LYST: variants seen among roughly 807,000 people sequenced by gnomAD.
LYST encodes lysosomal-trafficking regulator.
LYST carries 192 observed loss-of-function variants against 413.6 expected under a neutral mutation model. The observed-to-expected ratio is 0.46, with a 90% CI of 0.41 to 0.52. The LOEUF (loss-of-function observed/expected upper bound fraction) is 0.52, where lower values mean the gene tolerates loss of function less well. LYST is among the 20% of genes least tolerant of loss of function. The pLI, the probability that LYST is intolerant of heterozygous loss-of-function variation, is 0.00. For missense variants in LYST, 3,815 were observed against 4,499.9 expected, an observed-to-expected ratio of 0.85 and a Z score of 4.35; for synonymous variants, 1,525 against 1,567.3, an observed-to-expected ratio of 0.97 and a Z score of 0.64.
chr1:235,686,864 A>G lies in LYST; in HGVS notation c.10800+85T>C. 1.0e-6 allele frequency: 1 copy of G among 988,578 alleles called. No homozygotes were observed. Among genetic ancestry groups the G allele is most frequent in the Non-Finnish European group, 1.6e-6 (1 of 609,494 alleles). 61.2% of individuals were successfully genotyped at this position (988,578 alleles called of 1,614,324 possible). On this transcript the variant is annotated intron_variant, in intron 48 of 52. Transcript: ENST00000389793. This position sits in a 1 kb window ranked among gnomAD's most constrained non-coding sequence, Gnocchi z 4.0. ...GGTATAAACATTTTAAGTTAATCTT[A>G]TGCAAAGTGAATTATACTTCATAAA...
In LYST at chr1:235,798,515, T is replaced by G. The variant is rs113059697; in HGVS notation, c.4006+1805A>C. On this transcript the variant is annotated intron_variant, in intron 10 of 52. Transcript: ENST00000389793. Reference sequence around the variant, plus strand: ...AATTGCTTAACCTGGGAGGTGGAGGTTGCAGTGAGCTGAGATCGCACCACT... The same window carrying G: ...AATTGCTTAACCTGGGAGGTGGAGGGTGCAGTGAGCTGAGATCGCACCACT... Among the ~76,000 whole-genome samples, 1,067 of 130,952 alleles carry G rather than the reference T, an allele frequency of 8.1e-3. 14 individuals are homozygous for G. Among genetic ancestry groups the G allele is most frequent in the African/African-American group, 0.03 (1,015 of 34,404 alleles). 85.9% of individuals were successfully genotyped at this position (130,952 alleles called of 152,430 possible). A position where few individuals can be genotyped will look rare whatever the true frequency, so the allele number is the denominator to read the frequency against.
At chr1:235,856,156 T>C (rs1394814973) in intron 1 of LYST, among the ~76,000 whole-genome samples, 3 of 152,210 alleles carry the variant, frequency 2.0e-5, no homozygotes, top group African/African-American at 4.8e-5. Flanking sequence ...TTTCTATCAC[T>C]GTGGTCTAAA....
rs550339130 is a variant in LYST, at chr1:235,667,939, G to C, written c.11039-3318C>G. Among the ~76,000 whole-genome samples the C allele has an allele frequency of 2.7e-3, 405 of 152,118 alleles. 2 individuals are homozygous for C. Among genetic ancestry groups the C allele is most frequent in the Non-Finnish European group, 4.8e-3 (327 of 68,000 alleles). On this transcript the variant is annotated intron_variant, in intron 50 of 52. Coordinates refer to ENST00000389793, the MANE Select transcript of LYST (RefSeq NM_000081.4). Reference sequence around the variant, plus strand: ...GGCCTCCCAAAGTGCAGGGATTACAGGCATAGCCACCGTGCCTGGCCTCCT... The same window carrying C: ...GGCCTCCCAAAGTGCAGGGATTACACGCATAGCCACCGTGCCTGGCCTCCT...
In LYST at chr1:235,662,968, G is replaced by T; in HGVS notation, c.11378C>A (p.Ser3793Tyr). Residue 3793 changes from serine (S) to tyrosine (Y), a missense_variant, in exon 53 of 53, where the codon TCC becomes TAC. Coordinates refer to ENST00000389793, the MANE Select transcript of LYST (RefSeq NM_000081.4). ...QQRLKQPMFYSFLSSYAAG is the reference protein window; with the variant it reads ...QQRLKQPMFYYFLSSYAAG Reference sequence around the variant, plus strand: ...CCCGGCTGCATAGCTGCTAAGGAAGGAATAGAACATTGGCTGTTTCAAGCG... The same window carrying T: ...CCCGGCTGCATAGCTGCTAAGGAAGTAATAGAACATTGGCTGTTTCAAGCG... The T allele has an allele frequency of 1.2e-6, 2 of 1,606,214 alleles. No homozygotes were observed. Among genetic ancestry groups the T allele is most frequent in the Non-Finnish European group, 1.7e-6 (2 of 1,172,870 alleles).
At chr1:235,781,872 A>T in intron 15 of LYST, 55 bp downstream of exon 15, 1 of 1,231,316 alleles carries the variant, frequency 8.1e-7, no homozygotes, top group Non-Finnish European at 1.2e-6. Flanking sequence ...AAAGGAAAAA[A>T]ATCTCACTCT....
intron 31 of LYST, among the ~76,000 whole-genome samples, chr1:235,740,302 TTAAG>T (rs1486917121): frequency 6.6e-6 from 1 of 152,212 alleles, no homozygotes; most frequent in Non-Finnish European, 1.5e-5. Flanking sequence ...CATAGATATA[TTAAG>T]TGTTTCTATG....
chr1:235,780,764 C>G (rs1487605081), intron 16 of LYST, 101 bp downstream of exon 16: 1 of 451,752 alleles, frequency 2.2e-6, no homozygotes, highest in Non-Finnish European at 3.8e-6. Context: ...GATAAGGAAC[C>G]ACATTAAAAT....
At chr1:235,670,205 A>G (rs1211410917) in intron 50 of LYST, among the ~76,000 whole-genome samples, 1 of 152,204 alleles carries the variant, frequency 6.6e-6, no homozygotes, top group Non-Finnish European at 1.5e-5. Flanking sequence ...CATATGTAGA[A>G]AAGTTTAAGT....
At chr1:235,800,439 A>G (rs1672085347) in intron 9 of LYST, 53 bp from the exon 10 acceptor site, 4 of 956,654 alleles carry the variant, frequency 4.2e-6, no homozygotes, top group Middle Eastern at 2.1e-4. Context: ...AGAAGCATGA[A>G]ACAACTGCAA....
At chr1:235,813,614 T>A (rs760705038) in intron 3 of LYST, among the ~76,000 whole-genome samples, 44 of 152,206 alleles carry the variant, frequency 2.9e-4, no homozygotes, top group Non-Finnish European at 5.6e-4. Flanking sequence ...TTCTGGAGGA[T>A]ATGGTCCAAG....
intron 50 of LYST, among the ~76,000 whole-genome samples, chr1:235,675,134 T>G (rs546462627): frequency 3.3e-5 from 5 of 152,256 alleles, no homozygotes; most frequent in African/African-American, 1.2e-4. Flanking sequence ...GGGGGAAAAG[T>G]GTCAGAAATA....
chr1:235,765,185 G>A (rs1211238345), intron 21 of LYST, among the ~76,000 whole-genome samples: 1 of 151,904 alleles, frequency 6.6e-6, no homozygotes, highest in African/African-American at 2.4e-5. Context: ...ATAACTGCAG[G>A]GCACCTCAAA....
chr1:235,824,999 G>A (rs1264887421), intron 3 of LYST, among the ~76,000 whole-genome samples: 2 of 151,988 alleles, frequency 1.3e-5, no homozygotes, highest in South Asian at 2.1e-4. Flanking sequence ...CAGCCTGGGC[G>A]ACAGAGTTGA....
Position 235,730,879 on chromosome 1 carries a change from A to C in LYST, c.9012T>G (p.Thr3004=). 6.2e-7 allele frequency: 1 copy of C among 1,613,378 alleles called. No homozygotes were observed. Among genetic ancestry groups the C allele is most frequent in the Non-Finnish European group, 8.5e-7 (1 of 1,179,316 alleles). ...EDKTHSSFSS[T]VKDKAASESI... is the part of the protein sequence containing the mutation. ...ATTCACTTGCAGCTTTGTCTTTGAC[A>C]GTAGAAGAGAAAGAAGAATGAGTTT... Residue 3004 remains threonine (T), a synonymous_variant, in exon 36 of 53, where the codon ACT becomes ACG. Coordinates refer to ENST00000389793, the MANE Select transcript of LYST (RefSeq NM_000081.4).
At chr1:235,694,012 T>TC in intron 46 of LYST, among the ~76,000 whole-genome samples, 1 of 31,424 alleles carries the variant, frequency 3.2e-5, no homozygotes, top group African/African-American at 5.5e-4. Context: ...CTTCTTCTTC[T>TC]TTTTTTTTTT....
Position 235,809,596 on chromosome 1 carries a change from C to T in LYST, c.1222G>A (p.Val408Ile). The T allele has an allele frequency of 1.2e-6, 2 of 1,614,038 alleles. No individual in the cohort carries two copies. The highest frequency in any genetic ancestry group is 1.7e-6 in the Non-Finnish European group (2 of 1,179,916). The change falls in exon 5 of 53, where the codon GTT becomes ATT. Residue 408 changes from valine (V) to isoleucine (I), a missense_variant. Val to Ile is a conservative substitution (Grantham distance 29). Around this residue, in one of 4 missense-constraint regions of LYST, gnomAD observed 1,648 missense variants for 1,810.3 expected, o/e 0.91. Transcript: ENST00000389793. This position sits in a 1 kb window ranked among gnomAD's most constrained non-coding sequence, Gnocchi z 4.0. Reference protein sequence around the residue: ...ALLLPELLEGVLQILICCLQS... With the variant: ...ALLLPELLEGILQILICCLQS... ...AGACAACAGATCAGAATCTGAAGAA[C>T]TCCTTCCAAAAGCTCAGGTAAAAGA...
rs1558200396 is a variant in LYST, at chr1:235,759,131, C to T, written c.6722G>A (p.Ser2241Asn). 1.9e-6 allele frequency: 3 copies of T among 1,614,176 alleles called. No homozygotes were observed. Among genetic ancestry groups the T allele is most frequent in the South Asian group, 2.2e-5 (2 of 91,084 alleles). ...AGCTAGCCCAAGGCTTGCAATAGTG[C>T]TGTGGCTTCGCTGGAAGGAGGCCAA... Reference protein sequence around the residue: ...KGLASFQRSHSTIASLGLAFP... With the variant: ...KGLASFQRSHNTIASLGLAFP... Residue 2241 changes from serine (S) to asparagine (N), a missense_variant, in exon 23 of 53, where the codon AGC (serine) becomes AAC (asparagine). Physicochemically the swap from Ser to Asn is conservative, Grantham distance 46 (BLOSUM62 1). Coordinates refer to ENST00000389793, the MANE Select transcript of LYST (RefSeq NM_000081.4).
intron 1 of LYST, among the ~76,000 whole-genome samples, chr1:235,879,414 A>G (rs1327735767): frequency 6.6e-6 from 1 of 152,194 alleles, no homozygotes; most frequent in Non-Finnish European, 1.5e-5. Context: ...TCGCCTGCTA[A>G]CAATATTCAC....
chr1:235,675,038 C>T (rs1006060778), intron 50 of LYST, among the ~76,000 whole-genome samples: 3 of 152,114 alleles, frequency 2.0e-5, no homozygotes, highest in South Asian at 2.1e-4. Context: ...TAAGTTCCTA[C>T]TCTTAAACAA....
Sources: gnomAD v4.1 joint callset for allele counts (sites outside exome capture counted in the v4.1 genomes callset) on GRCh38, gnomAD v4.1.1 for gene constraint, gnomAD v4.1.1 regional missense constraint, Gnocchi (gnomAD v3.1) non-coding constraint, MANE v1.5 for transcripts, NCBI Gene and HGNC (gene_info 2026-07-23, HGNC 2026-07-21) for gene names.